PARG: variants seen among roughly 807,000 people sequenced by gnomAD.
The protein encoded by PARG is poly(ADP-ribose) glycohydrolase, also known as mitochondrial poly(ADP-ribose) glycohydrolase.
In PARG, 35 loss-of-function variants were observed where a neutral mutation model predicts 113.0. That is an observed-to-expected ratio of 0.31 (90% CI 0.24 to 0.41). The LOEUF is 0.41. PARG is among the 10% of genes least tolerant of loss of function. The probability of loss-of-function intolerance (pLI) is 1.00; values close to 1 mark genes in which losing one functional copy is unlikely to be tolerated. For missense variants in PARG, 797 were observed against 1,169.4 expected (o/e 0.68, Z 4.64); for synonymous variants, 330 against 409.9 (o/e 0.81, Z 2.36).
chr10:49,914,553 G>A (rs1413939522), intron 7 of PARG, among the ~76,000 whole-genome samples: 4 of 152,206 alleles, frequency 2.6e-5, no homozygotes, highest in Non-Finnish European at 5.9e-5. Flanking sequence ...TGATGTAAGA[G>A]TTGCCCTTAG....
Position 49,933,654 on chromosome 10 carries a change from T to C in PARG, c.794A>G (p.Asp265Gly). 1.2e-6 allele frequency: 2 copies of C among 1,609,922 alleles called. No individual in the cohort carries two copies. Among genetic ancestry groups the C allele is most frequent in the Non-Finnish European group, 1.7e-6 (2 of 1,176,184 alleles). Residue 265 changes from aspartate (D) to glycine (G), a missense_variant, in exon 3 of 18, where the codon GAT becomes GGT. This residue lies in a region of PARG where 284 missense variants were observed against 306.1 expected (regional missense o/e 0.93). Transcript: ENST00000616448. ...IDVVPESPLS[D>G]VGSEDVGTGP... Reference sequence around the variant, plus strand: ...AGTACCAACATCCTCAGAGCCAACATCTGACAATGGACTCTCTGGCACCAC... The same window carrying C: ...AGTACCAACATCCTCAGAGCCAACACCTGACAATGGACTCTCTGGCACCAC...
chr10:49,889,521 G>A (rs1454054807), intron 7 of PARG, among the ~76,000 whole-genome samples: 1 of 152,116 alleles, frequency 6.6e-6, no homozygotes, highest in Non-Finnish European at 1.5e-5. Flanking sequence ...TTGGTGCCAT[G>A]TACTCTCCTA....
intron 4 of PARG, among the ~76,000 whole-genome samples, chr10:49,926,948 C>T (rs1409402343): frequency 6.6e-6 from 1 of 152,112 alleles, no homozygotes; most frequent in Non-Finnish European, 1.5e-5. Context: ...ACGTCAGTGT[C>T]GGTGTTTGGC....
At chr10:49,891,467 TA>T (rs1366972801) in intron 7 of PARG, among the ~76,000 whole-genome samples, 2 of 150,172 alleles carry the variant, frequency 1.3e-5, no homozygotes, top group African/African-American at 2.4e-5. Flanking sequence ...TCCTCTTTAA[TA>T]AAAAAAATCA....
intron 6 of PARG, among the ~76,000 whole-genome samples, chr10:49,920,639 T>C (rs1425208914): frequency 4.7e-5 from 7 of 148,600 alleles, no homozygotes; most frequent in African/African-American, 1.5e-4. Flanking sequence ...TGTATATATA[T>C]ACACATATAC....
chr10:49,835,707 T>C (rs1554830973), intron 15 of PARG, among the ~76,000 whole-genome samples: 2 of 151,798 alleles, frequency 1.3e-5, no homozygotes, highest in African/African-American at 4.8e-5. Flanking sequence ...AGGAAAGAAA[T>C]GGTATCCAGG....
In PARG at chr10:49,820,980, T is replaced by C. The variant is rs1554828509; in HGVS notation, c.2648-687A>G. Among the ~76,000 whole-genome samples, 11 of 152,292 alleles carry C rather than the reference T, an allele frequency of 7.2e-5. No homozygotes were observed. The South Asian group carries it at 1.9e-3, about 26-fold the overall frequency. On this transcript the variant is annotated intron_variant, in intron 16 of 17. Coordinates refer to ENST00000616448, the MANE Select transcript of PARG (RefSeq NM_003631.5). ...GTGTCTTATCACACAGCCACTGGCC[T>C]TTTGTATAGGCACATTTGGGAGGTT... is the stretch of plus-strand genomic sequence containing the variant.
chr10:49,890,557 A>G (rs1847723432), intron 7 of PARG, among the ~76,000 whole-genome samples: 1 of 152,188 alleles, frequency 6.6e-6, no homozygotes, highest in Admixed American at 6.5e-5. Context: ...ACAAAGCCCT[A>G]TCCTCTCCCT....
chr10:49,826,530 T>G (rs553069805), intron 16 of PARG, among the ~76,000 whole-genome samples: 1 of 152,336 alleles, frequency 6.6e-6, no homozygotes, highest in Non-Finnish European at 1.5e-5. Context: ...CTATCTTGAT[T>G]CCAAAATTAC....
At chr10:49,895,021 T>C (rs1200089225) in intron 7 of PARG, among the ~76,000 whole-genome samples, 4 of 152,160 alleles carry the variant, frequency 2.6e-5, no homozygotes, top group Non-Finnish European at 4.4e-5. Flanking sequence ...TCCCTCAGTG[T>C]CTTTGTCTCT....
At chr10:49,923,132 C>G (rs1837975620) in intron 4 of PARG, among the ~76,000 whole-genome samples, 1 of 152,112 alleles carries the variant, frequency 6.6e-6, no homozygotes, top group African/African-American at 2.4e-5. Context: ...AATTCATTTT[C>G]ATATTTATAT....
intron 7 of PARG, among the ~76,000 whole-genome samples, chr10:49,908,928 C>G (rs1265397229): frequency 7.2e-5 from 11 of 152,148 alleles, no homozygotes; most frequent in Non-Finnish European, 1.2e-4. Context: ...TTCTAAAAAG[C>G]ACTAACCCTC....
At chr10:49,850,252 G>GAT (rs1554833981) in intron 13 of PARG, among the ~76,000 whole-genome samples, 4 of 140,892 alleles carry the variant, frequency 2.8e-5, no homozygotes, top group Non-Finnish European at 6.1e-5. Context: ...ACTGCACTGA[G>GAT]ATTAGGAAAC....
chr10:49,822,611 G>A (rs1844158162), intron 16 of PARG, among the ~76,000 whole-genome samples: 3 of 152,256 alleles, frequency 2.0e-5, no homozygotes, highest in East Asian at 3.9e-4. Flanking sequence ...GTAAAGGTCA[G>A]GCAAGAATCA....
At chr10:49,834,530 T>C (rs1844821823) in intron 15 of PARG, among the ~76,000 whole-genome samples, 1 of 152,200 alleles carries the variant, frequency 6.6e-6, no homozygotes, top group Non-Finnish European at 1.5e-5. Context: ...CCAATTTTCC[T>C]GGAAAATTAT....
intron 7 of PARG, among the ~76,000 whole-genome samples, chr10:49,892,694 G>C (rs1325846868): frequency 6.6e-6 from 1 of 152,184 alleles, no homozygotes; most frequent in Admixed American, 6.5e-5. Context: ...GTTGTCATCA[G>C]TCCATTCTTC....
intron 7 of PARG, among the ~76,000 whole-genome samples, chr10:49,906,837 G>A (rs1408688664): frequency 6.6e-6 from 1 of 152,248 alleles, no homozygotes; most frequent in South Asian, 2.1e-4. Context: ...GATGAGACAG[G>A]CCTATGCCTG....
intron 16 of PARG, among the ~76,000 whole-genome samples, chr10:49,828,019 G>T (rs1844443076): frequency 7.0e-6 from 1 of 142,758 alleles, no homozygotes; most frequent in South Asian, 2.3e-4. Context: ...GGTGCCTAGG[G>T]TCTGGTGGTA....
chr10:49,873,516 C>T (rs1254848585), intron 9 of PARG, among the ~76,000 whole-genome samples: 1 of 151,232 alleles, frequency 6.6e-6, no homozygotes, highest in Admixed American at 6.6e-5. Context: ...AGACAGTGAT[C>T]AAGTTCCAGT....
Sources: gnomAD v4.1 joint callset for allele counts (sites outside exome capture counted in the v4.1 genomes callset) on GRCh38, gnomAD v4.1.1 for gene constraint, gnomAD v4.1.1 regional missense constraint, MANE v1.5 for transcripts, NCBI Gene and HGNC (gene_info 2026-07-23, HGNC 2026-07-21) for gene names.